The following PGBD5 variants were observed in gnomAD, a reference collection of about 807,000 sequenced individuals.
PGBD5 encodes the protein piggyBac transposable element-derived protein 5.
PGBD5 carries 14 observed loss-of-function variants against 47.9 expected under a neutral mutation model. The ratio of observed to expected loss-of-function variants is 0.29; its 90% CI spans 0.19 to 0.46. PGBD5 has a LOEUF of 0.46. PGBD5 is among the 20% of genes least tolerant of loss of function. The pLI is 1.00. For missense variants in PGBD5, 635 were observed against 716.0 expected (o/e 0.89, Z 1.29); for synonymous variants, 316 against 306.3 (o/e 1.03, Z -0.33).
intron 1 of PGBD5, among the ~76,000 whole-genome samples, chr1:230,413,345 G>T (rs989166796): frequency 1.3e-5 from 2 of 151,954 alleles, no homozygotes; most frequent in Non-Finnish European, 2.9e-5. Context: ...GCAGAATTTC[G>T]AGCAAAAAAT....
chr1:230,415,615 G>A (rs1237138480), intron 1 of PGBD5, among the ~76,000 whole-genome samples: 1 of 152,168 alleles, frequency 6.6e-6, no homozygotes, highest in African/African-American at 2.4e-5. Flanking sequence ...TGCCCATGTG[G>A]GTCTCTCTTC....
chr1:230,362,841 T>C (rs1311442639), intron 1 of PGBD5, among the ~76,000 whole-genome samples: 1 of 152,138 alleles, frequency 6.6e-6, no homozygotes, highest in African/African-American at 2.4e-5. Flanking sequence ...ATTGGGTCTC[T>C]ATGGCAACAG....
chr1:230,387,214 C>T (rs72765665), intron 1 of PGBD5, among the ~76,000 whole-genome samples: 53,168 of 151,762 alleles, frequency 0.35, 10,107 homozygotes, highest in Non-Finnish European at 0.43. Context: ...AGAGACATAA[C>T]AAGAGATGCG....
In PGBD5 at chr1:230,366,684, A is replaced by G. The variant is rs140873005; in HGVS notation, c.332-9363T>C. ...CCTTGTTGGTAAAATGAAGACAGCC[A>G]TGGTGTGGAATTCACAGAGCTGGTG... On this transcript the variant is annotated intron_variant, in intron 1 of 6. Transcript: ENST00000391860. Among the ~76,000 whole-genome samples the G allele has an allele frequency of 4.0e-3, 611 of 152,240 alleles. 3 individuals carry two copies. Among genetic ancestry groups the G allele is most frequent in the African/African-American group, 0.014 (586 of 41,532 alleles).
chr1:230,392,320 C>T (rs548193376), intron 1 of PGBD5, among the ~76,000 whole-genome samples: 4 of 152,288 alleles, frequency 2.6e-5, no homozygotes, highest in African/African-American at 7.2e-5. Context: ...CTGTGCCCCA[C>T]GTACCCCTGC....
At chr1:230,355,269 C>T (rs969409720) in intron 2 of PGBD5, among the ~76,000 whole-genome samples, 1 of 152,212 alleles carries the variant, frequency 6.6e-6, no homozygotes, top group Non-Finnish European at 1.5e-5. Flanking sequence ...ACACCTGTAC[C>T]TGGGAGCTGC....
intron 3 of PGBD5, among the ~76,000 whole-genome samples, chr1:230,345,347 G>A (rs1001525037): frequency 1.3e-5 from 2 of 152,112 alleles, no homozygotes; most frequent in South Asian, 2.1e-4. Context: ...AACTCCAATC[G>A]CTCAATTAGG....
intron 1 of PGBD5, among the ~76,000 whole-genome samples, chr1:230,359,023 T>A (rs552621604): frequency 6.6e-6 from 1 of 152,340 alleles, no homozygotes; most frequent in African/African-American, 2.4e-5. Context: ...TAGAGATTTG[T>A]AAGAGACAAA....
Position 230,371,354 on chromosome 1 carries a change from G to A in PGBD5, c.332-14033C>T, listed in dbSNP as rs74146004. Among the ~76,000 whole-genome samples the A allele has an allele frequency of 5.7e-3, 873 of 152,208 alleles. 11 individuals carry two copies. Among genetic ancestry groups the A allele is most frequent in the African/African-American group, 0.019 (793 of 41,530 alleles). On this transcript the variant is annotated intron_variant, in intron 1 of 6. Transcript: ENST00000391860. Reference sequence around the variant, plus strand: ...GAGGGGCAGCTTTCTTGAGATAGTCGGGCCAGGCCATCGAGCCAGTTCCAG... The same window carrying A: ...GAGGGGCAGCTTTCTTGAGATAGTCAGGCCAGGCCATCGAGCCAGTTCCAG...
At chr1:230,365,318 A>AG (rs2102712598) in intron 1 of PGBD5, among the ~76,000 whole-genome samples, 1 of 152,138 alleles carries the variant, frequency 6.6e-6, no homozygotes, top group South Asian at 2.1e-4. Flanking sequence ...ATCTCAAAAA[A>AG]AAAAAAAAAG....
chr1:230,383,098 C>T (rs1656552149), intron 1 of PGBD5, among the ~76,000 whole-genome samples: 1 of 152,178 alleles, frequency 6.6e-6, no homozygotes, highest in South Asian at 2.1e-4. Flanking sequence ...GAGACAAGGT[C>T]TTGCTCTGTC....
intron 1 of PGBD5, among the ~76,000 whole-genome samples, chr1:230,393,252 G>A (rs1209069996): frequency 7.3e-6 from 1 of 137,906 alleles, no homozygotes; most frequent in Non-Finnish European, 1.6e-5. Context: ...AGGGAGAAGA[G>A]CAGGGAAAAG....
intron 1 of PGBD5, among the ~76,000 whole-genome samples, chr1:230,380,069 GCTATTTA>G (rs1485419883): frequency 1.3e-5 from 2 of 152,212 alleles, no homozygotes; most frequent in Non-Finnish European, 2.9e-5. Flanking sequence ...GGGGCCGTGT[GCTATTTA>G]CATTTGCAGA....
At chr1:230,405,163 C>T (rs1251876925) in intron 1 of PGBD5, among the ~76,000 whole-genome samples, 1 of 150,484 alleles carries the variant, frequency 6.6e-6, no homozygotes, top group Admixed American at 6.6e-5. Context: ...CTACTGCACT[C>T]CAGCCTGGGT....
In PGBD5 at chr1:230,318,506, G is replaced by C. The variant is rs76833939; in HGVS notation, c.*4919C>G. ...GCTGCAGAGGCCACCGGTGGGGAGG[G>C]GGCACTGGGGACACTTTCCCTGGCC... On this transcript the variant is annotated 3_prime_UTR_variant, in exon 7 of 7. Coordinates refer to ENST00000391860, the MANE Select transcript of PGBD5 (RefSeq NM_001258311.2). 7 of 152,374 alleles carry C rather than the reference G, an allele frequency of 4.6e-5. No individual in the cohort carries two copies. Among genetic ancestry groups the C allele is most frequent in the Admixed American group, 1.3e-4 (2 of 15,274 alleles). The allele number at this position is 152,374 out of a possible 1,614,324, so 9.4% of individuals were successfully genotyped here.
intron 1 of PGBD5, among the ~76,000 whole-genome samples, chr1:230,403,803 T>C (rs1657204150): frequency 2.0e-5 from 3 of 152,154 alleles, no homozygotes; most frequent in Non-Finnish European, 4.4e-5. Flanking sequence ...CGAAGAGTGA[T>C]AACCCCTTCC....
At chr1:230,352,860 G>C (rs1228983468) in intron 2 of PGBD5, among the ~76,000 whole-genome samples, 1 of 152,182 alleles carries the variant, frequency 6.6e-6, no homozygotes, top group African/African-American at 2.4e-5. Context: ...CCCTCTGCCT[G>C]TCCTTTCCCT....
Position 230,361,380 on chromosome 1 carries a change from C to T in PGBD5, c.332-4059G>A, listed in dbSNP as rs528946797. ...GTGCTGCTTGGGTGTGCCTCGGTGT[C>T]TGGGCTAGGATGAAGGGTTGTGCAT... On this transcript the variant is annotated intron_variant, in intron 1 of 6. Coordinates refer to ENST00000391860, the MANE Select transcript of PGBD5 (RefSeq NM_001258311.2). Among the ~76,000 whole-genome samples the T allele has an allele frequency of 3.3e-5, 5 of 152,146 alleles. 1 individual carries two copies. The South Asian group carries it at 1.0e-3, about 32-fold the overall frequency.
intron 1 of PGBD5, among the ~76,000 whole-genome samples, chr1:230,362,824 G>C (rs1667768883): frequency 6.6e-6 from 1 of 152,114 alleles, no homozygotes; most frequent in Admixed American, 6.5e-5. Context: ...TGTGTTCAGT[G>C]GGAAGCATTG....
Sources: gnomAD v4.1 joint callset for allele counts (sites outside exome capture counted in the v4.1 genomes callset) on GRCh38, gnomAD v4.1.1 for gene constraint, MANE v1.5 for transcripts, NCBI Gene and HGNC (gene_info 2026-07-23, HGNC 2026-07-21) for gene names.